Variants in LRRC58 observed in about 807,000 individuals in gnomAD.
The protein encoded by LRRC58 is leucine-rich repeat-containing protein 58.
In LRRC58, 18 loss-of-function variants were observed where a neutral mutation model predicts 30.6. That is an observed-to-expected ratio of 0.59 (90% confidence interval 0.41 to 0.87). The LOEUF is 0.87. Among genes scored for constraint, LRRC58 ranks in the 40% least tolerant of loss-of-function variants. LRRC58 has a pLI of 0.00. For synonymous variants in LRRC58, 221 were observed against 206.0 expected (o/e 1.07, Z -0.62); for missense variants, 420 against 468.4 (o/e 0.90, Z 0.95).
chr3:120,332,458 G>C (rs950021215), intron 3 of LRRC58, among the ~76,000 whole-genome samples: 1 of 151,916 alleles, frequency 6.6e-6, no homozygotes, highest in African/African-American at 2.4e-5. Context: ...GAATGATTGA[G>C]GAAAGTAAAT....
intron 1 of LRRC58, among the ~76,000 whole-genome samples, chr3:120,346,684 C>T (rs977288295): frequency 6.6e-6 from 1 of 152,028 alleles, no homozygotes. Flanking sequence ...TAGAAGGAAC[C>T]AAGGGCTGTC....
chr3:120,342,783 T>C (rs1228971246), intron 1 of LRRC58, among the ~76,000 whole-genome samples: 1 of 152,170 alleles, frequency 6.6e-6, no homozygotes, highest in South Asian at 2.1e-4. Flanking sequence ...AAAATCAACA[T>C]CCCAGAGATC....
At chr3:120,346,910 C>CCAAACTTTAT (rs1935975223) in intron 1 of LRRC58, among the ~76,000 whole-genome samples, 1 of 152,184 alleles carries the variant, frequency 6.6e-6, no homozygotes, top group Non-Finnish European at 1.5e-5. Flanking sequence ...AGAATAAAAT[C>CCAAACTTTAT]CAAACTTTAT....
rs1190153325 is a variant in LRRC58, at chr3:120,328,644, G to T, written c.*2556C>A. On this transcript the variant is annotated 3_prime_UTR_variant, in exon 4 of 4. Transcript: ENST00000295628. The stretch of plus-strand genomic sequence containing the variant: ...ATGCATAGTTAGCTACATGACTTGG[G>T]AGCTGATTATCTGGTTTCTAGATTA... 1 of 152,152 alleles carries T rather than the reference G, an allele frequency of 6.6e-6. No individual in the cohort carries two copies. Among genetic ancestry groups the T allele is most frequent in the Non-Finnish European group, 1.5e-5 (1 of 68,022 alleles). 9.4% of individuals were successfully genotyped at this position (152,152 alleles called of 1,614,324 possible). A position where few individuals can be genotyped will look rare whatever the true frequency, so the allele number is the denominator to read the frequency against.
intron 1 of LRRC58, among the ~76,000 whole-genome samples, chr3:120,340,361 A>G (rs1056088321): frequency 1.3e-5 from 2 of 152,182 alleles, no homozygotes; most frequent in Non-Finnish European, 2.9e-5. Flanking sequence ...CATTTCTAGA[A>G]ACTCCAATTG....
At chr3:120,335,237 G>C (rs1935818729) in intron 2 of LRRC58, 98 bp from the exon 3 acceptor site, 1 of 1,030,978 alleles carries the variant, frequency 9.7e-7, no homozygotes, top group Non-Finnish European at 1.4e-6. Context: ...TTCCCCTTAA[G>C]AATGAGCAAT....
Position 120,344,995 on chromosome 3 carries a change from C to T in LRRC58, c.500+3749G>A, listed in dbSNP as rs776543857. 3.6e-4 allele frequency among the ~76,000 whole-genome samples: 55 copies of T among 152,022 alleles called. 1 individual carries two copies. The highest frequency in any genetic ancestry group is 2.1e-4 in the South Asian group (1 of 4,818). On this transcript the variant is annotated intron_variant, in intron 1 of 3. Coordinates refer to ENST00000295628, the MANE Select transcript of LRRC58 (RefSeq NM_001099678.2). ...GATGGAAAGTAACTACATCCACAAC[C>T]GCATGGTTCACATTGATAACCTAAT...
chr3:120,343,381 T>C (rs1935928456), intron 1 of LRRC58, among the ~76,000 whole-genome samples: 1 of 152,352 alleles, frequency 6.6e-6, no homozygotes, highest in East Asian at 1.9e-4. Flanking sequence ...GAAACTGTTG[T>C]TGAATTTGTA....
intron 2 of LRRC58, 40 bp from the exon 3 acceptor site, chr3:120,335,179 A>G (rs769879262): frequency 6.5e-7 from 1 of 1,546,112 alleles, no homozygotes; most frequent in Admixed American, 1.8e-5. Flanking sequence ...GCAGTAAACA[A>G]CGTAACTATC....
At chr3:120,337,402 TTA>T in intron 1 of LRRC58, among the ~76,000 whole-genome samples, 1 of 152,352 alleles carries the variant, frequency 6.6e-6, no homozygotes, top group Non-Finnish European at 1.5e-5. Flanking sequence ...TTTTATGGTT[TTA>T]GACATTTGTA....
chr3:120,336,318 G>C (rs974885974), intron 1 of LRRC58, among the ~76,000 whole-genome samples: 2 of 152,154 alleles, frequency 1.3e-5, no homozygotes. Context: ...TTCCCCAAAG[G>C]GCTGTGACTT....
Position 120,326,959 on chromosome 3 carries a change from A to T in LRRC58, c.*4241T>A, listed in dbSNP as rs182624937. On this transcript the variant is annotated 3_prime_UTR_variant, in exon 4 of 4. Transcript: ENST00000295628. ...ATTAACCAAGGCTACCTGTTATATC[A>T]CAAATTCCAGGTTAATGATGTATTA... 6.6e-6 allele frequency: 1 copy of T among 152,322 alleles called. No homozygotes were observed. Among genetic ancestry groups the T allele is most frequent in the East Asian group, 1.9e-4 (1 of 5,192 alleles). 9.4% of individuals were successfully genotyped at this position (152,322 alleles called of 1,614,324 possible). A position where few individuals can be genotyped will look rare whatever the true frequency, so the allele number is the denominator to read the frequency against.
chr3:120,348,979 C>A lies in LRRC58; in HGVS notation c.265G>T (p.Ala89Ser), dbSNP rs1157610319. The A allele has an allele frequency of 6.5e-7, 1 of 1,532,604 alleles. No individual in the cohort carries two copies. Among genetic ancestry groups the A allele is most frequent in the Non-Finnish European group, 8.7e-7 (1 of 1,144,160 alleles). 94.9% of individuals were successfully genotyped at this position (1,532,604 alleles called of 1,614,324 possible). A position where few individuals can be genotyped will look rare whatever the true frequency, so the allele number is the denominator to read the frequency against. Residue 89 changes from alanine to serine, a missense_variant, in exon 1 of 4, where the codon GCT becomes TCT. Around this residue, in one of 2 missense-constraint regions of LRRC58, gnomAD observed 266 missense variants for 251.7 expected, o/e 1.06. Transcript: ENST00000295628. ...AGCAGCGTGCGCAGGCCGCGCAGAG[C>A]GAGCAGCTCCGGCCCGAGCGCGGTC... ...ALTALGPELLALRGLRTLLAK... is the reference protein window; with the variant it reads ...ALTALGPELLSLRGLRTLLAK...
rs144425257 is a variant in LRRC58, at chr3:120,335,490, A to G, written c.629+335T>C. 1.9e-3 allele frequency among the ~76,000 whole-genome samples: 285 copies of G among 152,338 alleles called. 5 individuals carry two copies. Among genetic ancestry groups the G allele is most frequent in the African/African-American group, 6.5e-3 (272 of 41,570 alleles). On this transcript the variant is annotated intron_variant, in intron 2 of 3. Coordinates refer to ENST00000295628, the MANE Select transcript of LRRC58 (RefSeq NM_001099678.2). ...GATTTCAAATGCAACAGAAATTAAG[A>G]TCCTTCATATTATAAAGCCTAATTA...
At position 120,327,243 on chromosome 3, in the gene LRRC58, ATTTC is replaced by A. The variant is rs1266531962; in HGVS notation, c.*3953_*3956del. Reference sequence around the variant, plus strand: ...TCTTCTAGCCCTGTGGCTTCTAAAGATTTCTTTTTTTTTTTTTTTTTTTTTTGAG... The same window carrying A: ...TCTTCTAGCCCTGTGGCTTCTAAAGATTTTTTTTTTTTTTTTTTTTTTGAG... On this transcript the variant is annotated 3_prime_UTR_variant, in exon 4 of 4. Coordinates refer to ENST00000295628, the MANE Select transcript of LRRC58 (RefSeq NM_001099678.2). The A allele has an allele frequency of 4.6e-5, 5 of 109,036 alleles. No individual in the cohort carries two copies. The highest frequency in any genetic ancestry group is 1.2e-4 in the African/African-American group (3 of 25,144). The allele number at this position is 109,036 out of a possible 1,614,324, so 6.8% of individuals were successfully genotyped here.
Position 120,326,792 on chromosome 3 carries a change from C to A in LRRC58, c.*4408G>T, listed in dbSNP as rs1935681271. On this transcript the variant is annotated 3_prime_UTR_variant, in exon 4 of 4. Transcript: ENST00000295628. ...TACATAATATAACCGATAGTTTTGTCTACCAAGGGTCTTATGAAAATTTAG... is the reference window on the plus strand; with the variant it reads ...TACATAATATAACCGATAGTTTTGTATACCAAGGGTCTTATGAAAATTTAG... 6.6e-6 allele frequency: 1 copy of A among 152,166 alleles called. No homozygotes were observed. Among genetic ancestry groups the A allele is most frequent in the Admixed American group, 6.5e-5 (1 of 15,280 alleles). 9.4% of individuals were successfully genotyped at this position (152,166 alleles called of 1,614,324 possible).
At position 120,331,311 on chromosome 3, in the gene LRRC58, AC is replaced by A; in HGVS notation, c.1004del (p.Cys335PhefsTer45). ...GAGAGGCAGAACTGCAAGGGGAAGA[AC>A]ATTCTGGTGAACACAAGTAGTGCAT... is the stretch of plus-strand genomic sequence containing the variant. Reference protein sequence around the residue: ...PLMHYLCSPECSSPCSSASHS... With the variant: ...PLMHYLCSPEXSSPCSSASHS... On this transcript the variant is annotated frameshift_variant, in exon 4 of 4. Transcript: ENST00000295628. LOFTEE classifies it high-confidence loss of function. 6.2e-7 allele frequency: 1 copy of A among 1,614,042 alleles called. No homozygotes were observed. The highest frequency in any genetic ancestry group is 8.5e-7 in the Non-Finnish European group (1 of 1,179,876).
At chr3:120,337,301 T>A (rs925397959) in intron 1 of LRRC58, among the ~76,000 whole-genome samples, 2 of 152,020 alleles carry the variant, frequency 1.3e-5, no homozygotes, top group Non-Finnish European at 2.9e-5. Flanking sequence ...TATTTATTTA[T>A]TTACTATTTG....
Position 120,349,257 on chromosome 3 carries a change from C to T in LRRC58, c.-14G>A, listed in dbSNP as rs563875083. On this transcript the variant is annotated 5_prime_UTR_variant, in exon 1 of 4. It adds an upstream start codon to the 5' untranslated region. Coordinates refer to ENST00000295628, the MANE Select transcript of LRRC58 (RefSeq NM_001099678.2). The stretch of plus-strand genomic sequence containing the variant: ...GGCCTCCTCCATCCTGGCCACCGCA[C>T]GGCGCGTGGCGCCGGATTCCCCAGA... 582 of 1,357,380 alleles carry T rather than the reference C, an allele frequency of 4.3e-4. 1 individual carries two copies. Among genetic ancestry groups the T allele is most frequent in the Middle Eastern group, 3.5e-3 (13 of 3,678 alleles). The allele number at this position is 1,357,380 out of a possible 1,614,324, so 84.1% of individuals were successfully genotyped here. A position where few individuals can be genotyped will look rare whatever the true frequency, so the allele number is the denominator to read the frequency against.
Sources: gnomAD v4.1 joint callset for allele counts (sites outside exome capture counted in the v4.1 genomes callset) on GRCh38, gnomAD v4.1.1 for gene constraint, gnomAD v4.1.1 regional missense constraint, MANE v1.5 for transcripts, NCBI Gene and HGNC (gene_info 2026-07-23, HGNC 2026-07-21) for gene names.